Variants in ANKRD45 observed in about 807,000 individuals in gnomAD.
ANKRD45 encodes ankyrin repeat domain-containing protein 45.
A neutral mutation model predicts 28.1 loss-of-function variants in ANKRD45; 21 were observed. That is an observed-to-expected ratio of 0.75 (90% CI 0.53 to 1.08). The LOEUF (loss-of-function observed/expected upper bound fraction) is 1.08. Among genes scored for constraint, ANKRD45 ranks in the 50% least tolerant of loss-of-function variants. ANKRD45 has a pLI of 0.00. For synonymous variants in ANKRD45, 86 were observed against 103.9 expected, an observed-to-expected ratio of 0.83 and a Z score of 1.05; for missense variants, 261 against 308.7, an observed-to-expected ratio of 0.85 and a Z score of 1.16.
chr1:173,650,315 C>T (rs1462472091), intron 2 of ANKRD45, among the ~76,000 whole-genome samples: 1 of 152,150 alleles, frequency 6.6e-6, no homozygotes, highest in Non-Finnish European at 1.5e-5. Flanking sequence ...TCCAAGCGTT[C>T]TCATTGTTCA....
Position 173,646,924 on chromosome 1 carries a change from TC to T in ANKRD45, c.417del (p.Asn140ThrfsTer30). On this transcript the variant is annotated frameshift_variant, in exon 3 of 6. Transcript: ENST00000333279. LOFTEE classifies it high-confidence loss of function. ...TCTCGAGCCCTTTCTTCCCGGAAGTTCAAAGCTTCTATATCAACATCCAGTT... is the reference window on the plus strand; with the variant it reads ...TCTCGAGCCCTTTCTTCCCGGAAGTTAAAGCTTCTATATCAACATCCAGTT... Reference protein sequence around the residue: ...LVELDVDIEALNFREERARDV... With the variant: ...LVELDVDIEAXNFREERARDV... 2 of 1,614,158 alleles carry T rather than the reference TC, an allele frequency of 1.2e-6. No homozygotes were observed. Among genetic ancestry groups the T allele is most frequent in the Non-Finnish European group, 1.7e-6 (2 of 1,180,010 alleles).
intron 1 of ANKRD45, among the ~76,000 whole-genome samples, chr1:173,667,050 A>G (rs1670055907): frequency 6.6e-6 from 1 of 152,140 alleles, no homozygotes; most frequent in Admixed American, 6.5e-5. Flanking sequence ...CCCAGCTGCA[A>G]TTTGCATTTT....
intron 5 of ANKRD45, among the ~76,000 whole-genome samples, chr1:173,612,062 G>A (rs1667180018): frequency 6.6e-6 from 1 of 151,938 alleles, no homozygotes; most frequent in African/African-American, 2.4e-5. Context: ...TGGGCAATAT[G>A]GCAAAACCCT....
chr1:173,661,474 C>G (rs1056774693), intron 1 of ANKRD45, among the ~76,000 whole-genome samples: 10 of 152,156 alleles, frequency 6.6e-5, no homozygotes, highest in Admixed American at 2.6e-4. Context: ...GGGATTGCAT[C>G]AGCAAGTCTG....
chr1:173,670,111 C>T (rs1670205778), upstream of ANKRD45, among the ~76,000 whole-genome samples: 1 of 152,154 alleles, frequency 6.6e-6, no homozygotes, highest in South Asian at 2.1e-4. Flanking sequence ...AAAGAATTTT[C>T]TGGAAATATG....
intron 3 of ANKRD45, chr1:173,635,350 CTG>C (rs1477805278): frequency 3.5e-6 from 2 of 579,214 alleles, no homozygotes; most frequent in African/African-American, 3.7e-5. Context: ...ATTTTGCTGA[CTG>C]GCAAGGTTAT....
chr1:173,657,181 G>A (rs1453340434), intron 2 of ANKRD45, among the ~76,000 whole-genome samples: 2 of 151,316 alleles, frequency 1.3e-5, no homozygotes, highest in Non-Finnish European at 3.0e-5. Flanking sequence ...TAGTATTAAA[G>A]CTCGGCTGGG....
chr1:173,630,424 G>GT (rs1189953846), intron 3 of ANKRD45, among the ~76,000 whole-genome samples: 1 of 152,082 alleles, frequency 6.6e-6, no homozygotes, highest in African/African-American at 2.4e-5. Flanking sequence ...GGGGAATGAA[G>GT]TTAAAGTGTA....
chr1:173,709,731 A>G, the ANKRD45 span, among the ~76,000 whole-genome samples: 1 of 152,040 alleles, frequency 6.6e-6, no homozygotes, highest in African/African-American at 2.4e-5. Flanking sequence ...TCCTGAGCTC[A>G]AGTGATCCTC....
chr1:173,658,734 G>A (rs139195207), intron 2 of ANKRD45: 16 of 161,242 alleles, frequency 9.9e-5, no homozygotes, highest in East Asian at 3.5e-4. Flanking sequence ...ATCAATTTAC[G>A]ATATGCCAAG....
chr1:173,645,643 T>C (rs961619948), intron 3 of ANKRD45, among the ~76,000 whole-genome samples: 1 of 152,216 alleles, frequency 6.6e-6, no homozygotes, highest in African/African-American at 2.4e-5. Context: ...CAAGAAGACA[T>C]GTATTAACCC....
At chr1:173,624,749 C>A in intron 5 of ANKRD45, 38 bp downstream of exon 5, 1 of 1,578,928 alleles carries the variant, frequency 6.3e-7, no homozygotes, top group Admixed American at 1.8e-5. Flanking sequence ...AATTTTCATC[C>A]CTTCTGACAT....
chr1:173,660,829 C>T (rs1043696446), intron 1 of ANKRD45, among the ~76,000 whole-genome samples: 1 of 152,158 alleles, frequency 6.6e-6, no homozygotes, highest in Non-Finnish European at 1.5e-5. Context: ...ACTATGGCCT[C>T]AGGCAACACC....
At chr1:173,647,825 G>C (rs149034942) in intron 2 of ANKRD45, among the ~76,000 whole-genome samples, 1 of 152,050 alleles carries the variant, frequency 6.6e-6, no homozygotes, top group East Asian at 1.9e-4. Context: ...TCACTCTGTT[G>C]CCCAGTTTAG....
At chr1:173,640,059 G>C (rs969696095) in intron 3 of ANKRD45, among the ~76,000 whole-genome samples, 1 of 152,178 alleles carries the variant, frequency 6.6e-6, no homozygotes, top group Non-Finnish European at 1.5e-5. Flanking sequence ...CTCATTTACT[G>C]TGGACCAAAT....
chr1:173,709,887 C>T, the ANKRD45 span, among the ~76,000 whole-genome samples: 1 of 152,210 alleles, frequency 6.6e-6, no homozygotes, highest in Non-Finnish European at 1.5e-5. Context: ...CTGCCTGGGT[C>T]TCCCAAAGAG....
the ANKRD45 span, among the ~76,000 whole-genome samples, chr1:173,697,991 GA>G: frequency 7.5e-3 from 996 of 133,250 alleles, 9 homozygotes; most frequent in Middle Eastern, 0.011. Context: ...AAAATGGAAA[GA>G]AAAAAAAAAA....
At chr1:173,709,150 T>C in the ANKRD45 span, among the ~76,000 whole-genome samples, 1 of 152,198 alleles carries the variant, frequency 6.6e-6, no homozygotes, top group African/African-American at 2.4e-5. Flanking sequence ...CCCTTTCAAC[T>C]CATGGGGTTT....
At position 173,625,049 on chromosome 1, in the gene ANKRD45, T is replaced by G. The variant is rs1396883990; in HGVS notation, c.592-124A>C. 3 of 966,046 alleles carry G rather than the reference T, an allele frequency of 3.1e-6. No homozygotes were observed. The East Asian group carries it at 7.6e-5, about 25-fold the overall frequency. The allele number at this position is 966,046 out of a possible 1,614,324, so 59.8% of individuals were successfully genotyped here. On this transcript the variant is annotated intron_variant, in intron 4 of 5. Coordinates refer to ENST00000333279, the MANE Select transcript of ANKRD45 (RefSeq NM_198493.3). ...TGATAGAAATATTCTGTACCTGCATTGTCCAATACAGTAGCCATTAGATAT... is the reference window on the plus strand; with the variant it reads ...TGATAGAAATATTCTGTACCTGCATGGTCCAATACAGTAGCCATTAGATAT...
Sources: allele counts gnomAD v4.1 joint callset (sites outside exome capture counted in the v4.1 genomes callset), GRCh38; gene constraint gnomAD v4.1.1; transcripts MANE v1.5; gene names NCBI Gene and HGNC (gene_info 2026-07-23, HGNC 2026-07-21).